NR2C1: variants seen among roughly 807,000 people sequenced by gnomAD.
NR2C1 encodes the protein nuclear receptor subfamily 2 group C member 1.
A neutral mutation model predicts 74.8 loss-of-function variants in NR2C1; 33 were observed. The observed-to-expected ratio is 0.44, with a 90% CI of 0.33 to 0.59. NR2C1 has a LOEUF of 0.59. NR2C1 is among the 20% of genes least tolerant of loss of function. The probability of loss-of-function intolerance (pLI) is 0.02; values close to 1 mark genes in which losing one functional copy is unlikely to be tolerated. For synonymous variants in NR2C1, 225 were observed against 240.6 expected, an observed-to-expected ratio of 0.94 and a Z score of 0.60; for missense variants, 568 against 715.6, an observed-to-expected ratio of 0.79 and a Z score of 2.35.
At chr12:95,047,919 T>C (rs958193497) in intron 9 of NR2C1, among the ~76,000 whole-genome samples, 2 of 152,188 alleles carry the variant, frequency 1.3e-5, no homozygotes, top group Non-Finnish European at 2.9e-5. Context: ...CATAAATAAA[T>C]TAGGTTGGTG....
intron 2 of NR2C1, among the ~76,000 whole-genome samples, chr12:95,064,025 C>CAAA (rs36124945): frequency 1.0e-4 from 7 of 69,458 alleles, no homozygotes; most frequent in African/African-American, 1.2e-4. Flanking sequence ...GACTCTGCCT[C>CAAA]AAAAAAAAAA....
chr12:95,070,880 C>G (rs1876501486), intron 1 of NR2C1, among the ~76,000 whole-genome samples: 1 of 152,156 alleles, frequency 6.6e-6, no homozygotes, highest in African/African-American at 2.4e-5. Context: ...TACTTTCTCC[C>G]TCATTTAAAT....
rs1874125375 is a variant in NR2C1, at chr12:95,057,683, G to T, written c.693-40C>A. The T allele has an allele frequency of 1.9e-6, 3 of 1,612,296 alleles. No homozygotes were observed. The Admixed American group carries it at 5.0e-5, about 27-fold the overall frequency. On this transcript the variant is annotated intron_variant, in intron 6 of 13. Coordinates refer to ENST00000333003, the MANE Select transcript of NR2C1 (RefSeq NM_003297.4). ...CACAAATTTTGGCCTGAGTTTCATT[G>T]GGAAGAAAAACAAAATGACCAGCTA...
At chr12:95,030,482 A>G (rs1348966054) in intron 11 of NR2C1, 7 of 1,534,690 alleles carry the variant, frequency 4.6e-6, no homozygotes, top group Non-Finnish European at 6.1e-6. Context: ...TAATTAGTCA[A>G]CCATAGCTTT....
chr12:95,043,759 T>C (rs1008268439), intron 9 of NR2C1, among the ~76,000 whole-genome samples: 4 of 152,050 alleles, frequency 2.6e-5, no homozygotes, highest in African/African-American at 9.7e-5. Context: ...ACTTGTAATG[T>C]GTAAACACTG....
intron 5 of NR2C1, 21 bp from the exon 6 acceptor site, chr12:95,057,899 A>G (rs1388918249): frequency 1.3e-6 from 2 of 1,596,640 alleles, no homozygotes; most frequent in Non-Finnish European, 8.6e-7. Flanking sequence ...GTGTTAAACT[A>G]TTATATCACA....
chr12:95,039,329 G>C (rs1239252854), intron 10 of NR2C1, among the ~76,000 whole-genome samples: 1 of 152,144 alleles, frequency 6.6e-6, no homozygotes, highest in Non-Finnish European at 1.5e-5. Context: ...AATAGTCTTT[G>C]AGGATAACAG....
chr12:95,040,677 G>A lies in NR2C1; in HGVS notation c.1132-80C>T, dbSNP rs74588396. The A allele has an allele frequency of 4.5e-3, 5,964 of 1,325,494 alleles. 177 individuals are homozygous for A. In the African/African-American group the frequency reaches 0.073, roughly 16 times the overall value. The allele number at this position is 1,325,494 out of a possible 1,614,324, so 82.1% of individuals were successfully genotyped here. A position where few individuals can be genotyped will look rare whatever the true frequency, so the allele number is the denominator to read the frequency against. The stretch of plus-strand genomic sequence containing the variant: ...ATCATTTCTTTGAAAAAGTTTAAAC[G>A]TAACACATCAAATGAGAGCTAATAT... On this transcript the variant is annotated intron_variant, in intron 9 of 13. Coordinates refer to ENST00000333003, the MANE Select transcript of NR2C1 (RefSeq NM_003297.4).
intron 9 of NR2C1, among the ~76,000 whole-genome samples, chr12:95,044,767 A>G (rs1418772915): frequency 6.6e-6 from 1 of 152,136 alleles, no homozygotes; most frequent in Non-Finnish European, 1.5e-5. Context: ...CTGTAGTCCC[A>G]GCTACTCAGG....
intron 8 of NR2C1, 133 bp from the exon 9 acceptor site, chr12:95,049,366 C>T (rs1872688571): frequency 6.8e-6 from 5 of 732,944 alleles, no homozygotes; most frequent in African/African-American, 3.5e-5. Context: ...GTGATATGCC[C>T]GCCTCAGCCT....
rs749680605 is a variant in NR2C1, at chr12:95,024,110, T to C, written c.1637+1040A>G. Among the ~76,000 whole-genome samples, 30 of 152,314 alleles carry C rather than the reference T, an allele frequency of 2.0e-4. No homozygotes were observed. In the Middle Eastern group the frequency reaches 0.01, roughly 52 times the overall value. Reference sequence around the variant, plus strand: ...GGAAAACGAGTTAAAGTAAGGCTGATATTTAAGATGAGACTGGCTTATAAA... The same window carrying C: ...GGAAAACGAGTTAAAGTAAGGCTGACATTTAAGATGAGACTGGCTTATAAA... On this transcript the variant is annotated intron_variant, in intron 13 of 13. Transcript: ENST00000333003.
intron 9 of NR2C1, among the ~76,000 whole-genome samples, chr12:95,047,996 A>G (rs1197088594): frequency 9.9e-5 from 15 of 152,274 alleles, no homozygotes; most frequent in Admixed American, 9.8e-4. Context: ...AAAATAAATT[A>G]TAAATGTACC....
intron 12 of NR2C1, among the ~76,000 whole-genome samples, chr12:95,025,691 C>A (rs1869278737): frequency 1.4e-5 from 2 of 145,224 alleles, no homozygotes; most frequent in South Asian, 4.4e-4. Flanking sequence ...AAGTGTGGCT[C>A]ATTCATTCCA....
At chr12:95,026,766 T>G (rs1869422721) in intron 12 of NR2C1, 1 of 152,090 alleles carries the variant, frequency 6.6e-6, no homozygotes, top group Admixed American at 6.6e-5. Context: ...CAGAAACATA[T>G]CAGAATGAAA....
chr12:95,058,399 G>C lies in NR2C1; in HGVS notation c.455C>G (p.Ser152Ter). The C allele has an allele frequency of 6.2e-7, 1 of 1,613,436 alleles. No individual in the cohort carries two copies. Among genetic ancestry groups the C allele is most frequent in the Non-Finnish European group, 8.5e-7 (1 of 1,179,804 alleles). ...GTGCTTATTAATAATACAATCCTTT[G>C]ATCCTCGACATGAATATACTAAATT... ...RKNLVYSCRG[S>*]KDCIINKHHR... The change falls in exon 5 of 14, where the codon TCA (serine) becomes TGA (stop). Residue 152 changes from serine (S) to a stop codon, truncating the protein, a stop_gained. Coordinates refer to ENST00000333003, the MANE Select transcript of NR2C1 (RefSeq NM_003297.4). LOFTEE classifies it high-confidence loss of function.
At chr12:95,026,364 T>C (rs972317934) in intron 12 of NR2C1, among the ~76,000 whole-genome samples, 1 of 151,758 alleles carries the variant, frequency 6.6e-6, no homozygotes, top group Non-Finnish European at 1.5e-5. Flanking sequence ...AACAGAAACA[T>C]GAAAAAATCT....
chr12:95,069,568 G>GT (rs1406950252), intron 1 of NR2C1, among the ~76,000 whole-genome samples: 1 of 152,176 alleles, frequency 6.6e-6, no homozygotes. Flanking sequence ...TTAGTTTTGT[G>GT]TAAGTATGCT....
chr12:95,072,273 AAAAAAC>A (rs1206678477), intron 1 of NR2C1, among the ~76,000 whole-genome samples: 91 of 146,568 alleles, frequency 6.2e-4, no homozygotes, highest in African/African-American at 8.3e-4. Flanking sequence ...CTAAAAATAC[AAAAAAC>A]AAAAACAAAA....
chr12:95,043,330 G>A (rs184206894), intron 9 of NR2C1, among the ~76,000 whole-genome samples: 2 of 152,040 alleles, frequency 1.3e-5, no homozygotes, highest in African/African-American at 4.8e-5. Flanking sequence ...GAAAAACTAA[G>A]GGAATTACCA....
Sources: gnomAD v4.1 joint callset for allele counts (sites outside exome capture counted in the v4.1 genomes callset) on GRCh38, gnomAD v4.1.1 for gene constraint, MANE v1.5 for transcripts, NCBI Gene and HGNC (gene_info 2026-07-23, HGNC 2026-07-21) for gene names.